The following AHCTF1 variants were observed in gnomAD, a reference collection of about 807,000 sequenced individuals.
AHCTF1 encodes AT-hook containing transcription factor 1.
In AHCTF1, 24 loss-of-function variants were observed where a neutral mutation model predicts 248.4. The ratio of observed to expected loss-of-function variants is 0.10; its 90% CI spans 0.07 to 0.14. AHCTF1 has a LOEUF of 0.14. Among genes scored for constraint, AHCTF1 ranks in the 10% least tolerant of loss-of-function variants. AHCTF1 has a pLI of 1.00. For synonymous variants in AHCTF1, 786 were observed against 929.8 expected (o/e 0.85, Z 2.81); for missense variants, 2,206 against 2,636.2 (o/e 0.84, Z 3.57).
At chr1:246,880,471 G>A (rs1663316091) in intron 21 of AHCTF1, among the ~76,000 whole-genome samples, 2 of 151,322 alleles carry the variant, frequency 1.3e-5, no homozygotes, top group Admixed American at 1.3e-4. Flanking sequence ...GCCTGAGGCA[G>A]GAGAATCACT....
chr1:246,850,141 C>T lies in AHCTF1; in HGVS notation c.5865G>A (p.Glu1955=), dbSNP rs1227893412. 6.2e-7 allele frequency: 1 copy of T among 1,613,940 alleles called. No individual in the cohort carries two copies. The highest frequency in any genetic ancestry group is 8.5e-7 in the Non-Finnish European group (1 of 1,179,866). Residue 1955 remains glutamate, a synonymous_variant, in exon 33 of 36, where the codon GAG becomes GAA. Transcript: ENST00000648844. ...CTGCTTGAACAGTCAACTGAGATGACTCAAGGTTGGAGTCTTCTCTCACAT... is the reference window on the plus strand; with the variant it reads ...CTGCTTGAACAGTCAACTGAGATGATTCAAGGTTGGAGTCTTCTCTCACAT... The part of the protein sequence containing the change: ...PSDVREDSNL[E]SSQLTVQAEF...
chr1:246,870,284 A>C (rs548657803), intron 24 of AHCTF1, among the ~76,000 whole-genome samples: 1 of 152,302 alleles, frequency 6.6e-6, no homozygotes, highest in Admixed American at 6.5e-5. Context: ...TCTACAAAAA[A>C]TACCCAGGCA....
At chr1:246,923,688 T>C (rs1019969260) in intron 1 of AHCTF1, among the ~76,000 whole-genome samples, 1 of 152,208 alleles carries the variant, frequency 6.6e-6, no homozygotes, top group Non-Finnish European at 1.5e-5. Flanking sequence ...AAGTGACACA[T>C]TGCTTTACAT....
chr1:246,891,773 G>T lies in AHCTF1; in HGVS notation c.1945+6C>A, dbSNP rs750209176. On this transcript the variant is annotated splice_donor_region_variant and intron_variant, in intron 15 of 35. Transcript: ENST00000648844. ...AAACACTCATTTGATAAAACAAAGA[G>T]CGTACCTCTCTCAGTGATCTCTCGG... 6.2e-7 allele frequency: 1 copy of T among 1,607,510 alleles called. No individual in the cohort carries two copies. The highest frequency in any genetic ancestry group is 8.5e-7 in the Non-Finnish European group (1 of 1,178,496).
intron 3 of AHCTF1, among the ~76,000 whole-genome samples, chr1:246,915,865 A>T (rs936532339): frequency 6.6e-6 from 1 of 152,254 alleles, no homozygotes; most frequent in Non-Finnish European, 1.5e-5. Context: ...TTCACAAAAA[A>T]AGAGTATCAG....
intron 4 of AHCTF1, among the ~76,000 whole-genome samples, chr1:246,908,873 G>A (rs962749511): frequency 6.0e-5 from 9 of 150,852 alleles, no homozygotes; most frequent in African/African-American, 1.2e-4. Context: ...ACCCCAGCCT[G>A]GGTGACAGAG....
intron 21 of AHCTF1, among the ~76,000 whole-genome samples, chr1:246,879,267 G>A (rs549121711): frequency 6.6e-6 from 1 of 152,204 alleles, no homozygotes; most frequent in East Asian, 1.9e-4. Flanking sequence ...ATGAGATGAA[G>A]AGACAAAAAA....
chr1:246,909,273 C>T (rs1665626086), intron 4 of AHCTF1, among the ~76,000 whole-genome samples: 2 of 148,862 alleles, frequency 1.3e-5, no homozygotes, highest in Non-Finnish European at 3.0e-5. Flanking sequence ...AAAAATTGGC[C>T]GCACATGGTG....
rs1666285496 is a variant in AHCTF1, at chr1:246,918,278, T to C, written c.93A>G (p.Glu31=). ...CAGCAAACTTTCCACGAAGCACAGATTCTAATGTTATTTCGTCTTCTCCAA... is the reference window on the plus strand; with the variant it reads ...CAGCAAACTTTCCACGAAGCACAGACTCTAATGTTATTTCGTCTTCTCCAA... ...QALGEDEITL[E]SVLRGKFAAG... The change falls in exon 2 of 36, where the codon GAA becomes GAG. Residue 31 remains glutamate (E), a synonymous_variant. Coordinates refer to ENST00000648844, the MANE Select transcript of AHCTF1 (RefSeq NM_001323342.2). 1.2e-6 allele frequency: 2 copies of C among 1,611,242 alleles called. No homozygotes were observed. Among genetic ancestry groups the C allele is most frequent in the Non-Finnish European group, 1.7e-6 (2 of 1,179,320 alleles).
At chr1:246,875,173 G>A (rs1323788213) in intron 24 of AHCTF1, among the ~76,000 whole-genome samples, 2 of 152,024 alleles carry the variant, frequency 1.3e-5, no homozygotes, top group Admixed American at 1.3e-4. Context: ...ACACAACTGG[G>A]ACCACTCCCT....
intron 29 of AHCTF1, among the ~76,000 whole-genome samples, chr1:246,860,386 T>C (rs1383914585): frequency 6.6e-6 from 1 of 152,246 alleles, no homozygotes; most frequent in Admixed American, 6.5e-5. Context: ...AATGTTACTA[T>C]TCTTTTCTAA....
Position 246,861,035 on chromosome 1 carries a change from C to G in AHCTF1, c.3996G>C (p.Glu1332Asp). The part of the protein sequence containing the change: ...QDAPSPEDLE[E>D]TVFTASKPKS... ...TGGGCTTAGAGGCCGTGAAAACAGT[C>G]TCTTCAAGGTCTTCCGGTGACGGTG... The change falls in exon 29 of 36, where the codon GAG becomes GAC. Residue 1332 changes from glutamate (E) to aspartate (D), a missense_variant. Glu to Asp is a conservative substitution (Grantham distance 45). Coordinates refer to ENST00000648844, the MANE Select transcript of AHCTF1 (RefSeq NM_001323342.2). The G allele has an allele frequency of 2.5e-6, 4 of 1,613,968 alleles. No homozygotes were observed. The highest frequency in any genetic ancestry group is 3.4e-6 in the Non-Finnish European group (4 of 1,179,896).
intron 8 of AHCTF1, among the ~76,000 whole-genome samples, chr1:246,901,544 A>G (rs2103173786): frequency 6.6e-6 from 1 of 152,324 alleles, no homozygotes; most frequent in Non-Finnish European, 1.5e-5. Context: ...GAATGGCATG[A>G]ACCCCGGAGG....
In AHCTF1 at chr1:246,898,324, A is replaced by C. The variant is rs1025693440; in HGVS notation, c.1507T>G (p.Leu503Val). Reference protein sequence around the residue: ...TGFQKETLTFLKKSGPSLNEL... With the variant: ...TGFQKETLTFVKKSGPSLNEL... Reference sequence around the variant, plus strand: ...TTGAGTGATGGACCTGATTTCTTTAAAAAAGTCAAAGTCTGTAACAGATAA... The same window carrying C: ...TTGAGTGATGGACCTGATTTCTTTACAAAAGTCAAAGTCTGTAACAGATAA... The change falls in exon 12 of 36, where the codon TTA becomes GTA. Residue 503 changes from leucine to valine, a missense_variant. Around this residue, in one of 6 missense-constraint regions of AHCTF1, gnomAD observed 650 missense variants for 870.8 expected, o/e 0.75. Transcript: ENST00000648844. The C allele has an allele frequency of 1.2e-6, 2 of 1,613,362 alleles. No homozygotes were observed. The highest frequency in any genetic ancestry group is 1.7e-5 in the Admixed American group (1 of 59,986).
At position 246,849,850 on chromosome 1, in the gene AHCTF1, A is replaced by C. The variant is rs748688909; in HGVS notation, c.6156T>G (p.Thr2052=). Residue 2052 remains threonine (T), a synonymous_variant, in exon 33 of 36, where the codon ACT becomes ACG. Coordinates refer to ENST00000648844, the MANE Select transcript of AHCTF1 (RefSeq NM_001323342.2). ...MSSKKKLTKK[T]ESQSQKRSLH... ...ATGAACGTTTTTGGCTTTGACTTTC[A>C]GTCTTTTTTGTAAGTTTTTTCTTAG... The C allele has an allele frequency of 1.8e-5, 29 of 1,613,764 alleles. 1 individual carries two copies. The South Asian group carries it at 2.1e-4, about 12-fold the overall frequency.
At chr1:246,912,217 C>T (rs2103211001) in intron 4 of AHCTF1, among the ~76,000 whole-genome samples, 1 of 152,150 alleles carries the variant, frequency 6.6e-6, no homozygotes, top group East Asian at 1.9e-4. Context: ...GTGGCTCACA[C>T]CTGTAATCCC....
At chr1:246,888,730 CA>C (rs1558250334) in intron 17 of AHCTF1, among the ~76,000 whole-genome samples, 1 of 151,706 alleles carries the variant, frequency 6.6e-6, no homozygotes, top group African/African-American at 2.4e-5. Context: ...GGCAATACAG[CA>C]AGACCCCAGT....
In AHCTF1 at chr1:246,863,954, T is replaced by C. The variant is rs572134617; in HGVS notation, c.3510A>G (p.Leu1170=). 1 of 1,614,074 alleles carries C rather than the reference T, an allele frequency of 6.2e-7. No homozygotes were observed. ...SPQAISRASE[L]HLLETPLVVK... is the part of the protein sequence containing the mutation. ...CTACAAGAGGAGTTTCAAGCAAATG[T>C]AATTCTGAAGCCCTGGAGATGGCCT... The change falls in exon 27 of 36, where the codon TTA becomes TTG. Residue 1170 remains leucine (L), a synonymous_variant. Coordinates refer to ENST00000648844, the MANE Select transcript of AHCTF1 (RefSeq NM_001323342.2).
chr1:246,874,544 A>G (rs1662807676), intron 24 of AHCTF1, among the ~76,000 whole-genome samples: 1 of 152,202 alleles, frequency 6.6e-6, no homozygotes, highest in Non-Finnish European at 1.5e-5. Context: ...GGTGGTCATG[A>G]AACGGCCACC....
Sources: allele counts gnomAD v4.1 joint callset (sites outside exome capture counted in the v4.1 genomes callset), GRCh38; gene constraint gnomAD v4.1.1; regional missense constraint gnomAD v4.1.1; transcripts MANE v1.5; gene names NCBI Gene and HGNC (gene_info 2026-07-23, HGNC 2026-07-21).